The following SUCLG2 variants were observed in gnomAD, a reference collection of about 807,000 sequenced individuals.
The protein encoded by SUCLG2 is succinate--CoA ligase [GDP-forming] subunit beta, mitochondrial.
A neutral mutation model predicts 47.9 loss-of-function variants in SUCLG2; 42 were observed. The ratio of observed to expected loss-of-function variants is 0.88; its 90% CI spans 0.69 to 1.14. The LOEUF (loss-of-function observed/expected upper bound fraction) is 1.14, where lower values mean the gene tolerates loss of function less well. Ranked by LOEUF, SUCLG2 falls within the 50% of genes most tolerant of loss-of-function variation. SUCLG2 has a pLI of 0.00. For synonymous variants in SUCLG2, 195 were observed against 197.3 expected (o/e 0.99, Z 0.10); for missense variants, 571 against 525.9 (o/e 1.09, Z -0.84).
chr3:67,553,569 A>AT lies in SUCLG2; in HGVS notation c.227-24384dup, dbSNP rs533114434. Among the ~76,000 whole-genome samples the AT allele has an allele frequency of 9.3e-4, 141 of 152,272 alleles. 1 individual carries two copies. The South Asian group carries it at 9.5e-3, about 10-fold the overall frequency. On this transcript the variant is annotated intron_variant, in intron 2 of 10. Transcript: ENST00000307227. ...ATTTACAAATTTAATTTAATTTTTA[A>AT]TTTTTCTTAAACATTTTAAACTGCA...
intron 9 of SUCLG2, among the ~76,000 whole-genome samples, chr3:67,437,438 T>A (rs1180673017): frequency 6.6e-6 from 1 of 152,164 alleles, no homozygotes; most frequent in African/African-American, 2.4e-5. Flanking sequence ...AATGATACGA[T>A]AGCTTTTTAA....
intron 2 of SUCLG2, among the ~76,000 whole-genome samples, chr3:67,550,533 G>A (rs548997984): frequency 2.6e-5 from 4 of 152,200 alleles, no homozygotes; most frequent in African/African-American, 9.6e-5. Flanking sequence ...TTTTTATAGA[G>A]ATGGGGTTTT....
chr3:67,585,700 T>A (rs1490879244), intron 2 of SUCLG2, among the ~76,000 whole-genome samples: 1 of 152,010 alleles, frequency 6.6e-6, no homozygotes, highest in Non-Finnish European at 1.5e-5. Context: ...CAGTGGCTCA[T>A]ATCTGTAATC....
intron 2 of SUCLG2, among the ~76,000 whole-genome samples, chr3:67,608,607 T>C (rs898880438): frequency 2.6e-5 from 4 of 152,008 alleles, no homozygotes; most frequent in African/African-American, 9.7e-5. Flanking sequence ...GCTCATACTG[T>C]AAGAATTTCT....
Position 67,375,747 on chromosome 3 carries a change from C to G in SUCLG2, c.1296G>C (p.Lys432Asn). 2 of 1,612,660 alleles carry G rather than the reference C, an allele frequency of 1.2e-6. No individual in the cohort carries two copies. The highest frequency in any genetic ancestry group is 2.2e-5 in the South Asian group (2 of 90,738). Residue 432 changes from lysine to asparagine, a missense_variant, in exon 11 of 11, where the codon AAG becomes AAC. Lys to Asn is a moderately conservative substitution (Grantham distance 94, BLOSUM62 0). Coordinates refer to ENST00000307227, the MANE Select transcript of SUCLG2 (RefSeq NM_003848.4). ...CCATTGGATCAGGACAAAGACATCA[C>G]TTCTTGGCCACACTGGCCACAGCCT... Reference protein sequence around the residue: ...AKKAVASVAKK With the variant: ...AKKAVASVAKN
intron 10 of SUCLG2, among the ~76,000 whole-genome samples, chr3:67,379,728 C>G (rs1466935044): frequency 6.6e-6 from 1 of 152,222 alleles, no homozygotes; most frequent in Non-Finnish European, 1.5e-5. Context: ...TGACACCTCT[C>G]TCCACTGGGC....
chr3:67,597,433 A>G (rs1461534885), intron 2 of SUCLG2, among the ~76,000 whole-genome samples: 2 of 152,138 alleles, frequency 1.3e-5, no homozygotes, highest in African/African-American at 2.4e-5. Flanking sequence ...TCTTCCATTC[A>G]GTAATCACTT....
chr3:67,584,783 C>T (rs1316880748), intron 2 of SUCLG2, among the ~76,000 whole-genome samples: 3 of 152,132 alleles, frequency 2.0e-5, no homozygotes, highest in Non-Finnish European at 4.4e-5. Context: ...TCTTTCTTTA[C>T]ACAGTGGCAG....
At chr3:67,548,150 G>GA (rs1304433896) in intron 2 of SUCLG2, among the ~76,000 whole-genome samples, 7 of 152,304 alleles carry the variant, frequency 4.6e-5, no homozygotes, top group Admixed American at 2.0e-4. Flanking sequence ...TGACCCAATT[G>GA]AAGTTAAGGG....
At chr3:67,620,046 G>A (rs1296161620) in intron 1 of SUCLG2, among the ~76,000 whole-genome samples, 1 of 152,106 alleles carries the variant, frequency 6.6e-6, no homozygotes, top group Non-Finnish European at 1.5e-5. Context: ...AACATATACT[G>A]GCATTTAACT....
chr3:67,563,745 G>A (rs1330863503), intron 2 of SUCLG2, among the ~76,000 whole-genome samples: 1 of 152,006 alleles, frequency 6.6e-6, no homozygotes, highest in African/African-American at 2.4e-5. Flanking sequence ...AGATCACAAG[G>A]TCAGGAGATC....
At chr3:67,611,609 T>C (rs753507500) in intron 1 of SUCLG2, among the ~76,000 whole-genome samples, 6 of 152,130 alleles carry the variant, frequency 3.9e-5, no homozygotes, top group Admixed American at 6.5e-5. Flanking sequence ...GAACAATCAA[T>C]AGATTATGTC....
intron 9 of SUCLG2, among the ~76,000 whole-genome samples, chr3:67,449,503 T>G (rs1704002320): frequency 6.6e-6 from 1 of 150,686 alleles, no homozygotes; most frequent in Admixed American, 6.6e-5. Context: ...AATTCTTCAA[T>G]AATCCTCCTT....
chr3:67,608,745 A>G (rs1478669936), intron 2 of SUCLG2, among the ~76,000 whole-genome samples: 2 of 151,614 alleles, frequency 1.3e-5, no homozygotes, highest in Non-Finnish European at 2.9e-5. Flanking sequence ...TAGAGTGATC[A>G]TAGCCCACTG....
intron 9 of SUCLG2, among the ~76,000 whole-genome samples, chr3:67,436,792 A>T (rs1244813003): frequency 6.6e-6 from 1 of 152,216 alleles, no homozygotes; most frequent in African/African-American, 2.4e-5. Flanking sequence ...TCTTGAATAC[A>T]AATTATACAT....
In SUCLG2 at chr3:67,522,640, G is replaced by A. The variant is rs150448937; in HGVS notation, c.418-2006C>T. Among the ~76,000 whole-genome samples the A allele has an allele frequency of 5.8e-3, 877 of 150,868 alleles. 23 individuals carry two copies. The highest frequency in any genetic ancestry group is 0.021 in the African/African-American group (848 of 41,056). On this transcript the variant is annotated intron_variant, in intron 4 of 10. Coordinates refer to ENST00000307227, the MANE Select transcript of SUCLG2 (RefSeq NM_003848.4). ...AGTAATAGATGTGAAAACAATGAAA[G>A]CACTAACATTGCTTTTCTTTCTTTT...
intron 1 of SUCLG2, among the ~76,000 whole-genome samples, chr3:67,639,638 T>C (rs1559608388): frequency 1.3e-5 from 2 of 152,072 alleles, no homozygotes; most frequent in South Asian, 4.1e-4. Flanking sequence ...TAACTACAAC[T>C]CTGAGGTGTA....
intron 9 of SUCLG2, among the ~76,000 whole-genome samples, chr3:67,432,165 C>T (rs958471641): frequency 2.0e-5 from 3 of 152,162 alleles, no homozygotes; most frequent in Admixed American, 6.5e-5. Flanking sequence ...TTGAAGTACA[C>T]GCCTGGCAGA....
In SUCLG2 at chr3:67,520,497, CGGGTTTG is replaced by C; in HGVS notation, c.548_554del (p.Ser183TrpfsTer15). 1 of 1,614,034 alleles carries C rather than the reference CGGGTTTG, an allele frequency of 6.2e-7. No homozygotes were observed. Among genetic ancestry groups the C allele is most frequent in the Non-Finnish European group, 8.5e-7 (1 of 1,179,944 alleles). On this transcript the variant is annotated frameshift_variant, in exon 5 of 11. Coordinates refer to ENST00000307227, the MANE Select transcript of SUCLG2 (RefSeq NM_003848.4). LOFTEE classifies it high-confidence loss of function. The stretch of plus-strand genomic sequence containing the variant: ...TTAAACATACCTTAAAAATGAGCTC[CGGGTTTG>C]AAGCAGCCACCTCTTCAATGTCGAC...
Sources: gnomAD v4.1 joint callset for allele counts (sites outside exome capture counted in the v4.1 genomes callset) on GRCh38, gnomAD v4.1.1 for gene constraint, MANE v1.5 for transcripts, NCBI Gene and HGNC (gene_info 2026-07-23, HGNC 2026-07-21) for gene names.